Variants in KCNH5 observed in about 807,000 individuals in gnomAD.
The protein encoded by KCNH5 is potassium voltage-gated channel subfamily H member 5, also known as voltage-gated delayed rectifier potassium channel KCNH5.
A neutral mutation model predicts 96.1 loss-of-function variants in KCNH5; 46 were observed. The observed-to-expected ratio is 0.48, with a 90% CI of 0.38 to 0.61. The LOEUF is 0.61. Ranked by LOEUF, KCNH5 falls within the 20% of genes least tolerant of loss-of-function variation. The pLI is 0.00. For synonymous variants in KCNH5, 439 were observed against 449.8 expected (o/e 0.98, Z 0.30); for missense variants, 907 against 1,225.8 (o/e 0.74, Z 3.88).
chr14:62,936,674 CAAA>C (rs3080873), intron 7 of KCNH5, among the ~76,000 whole-genome samples: 4 of 119,752 alleles, frequency 3.3e-5, no homozygotes, highest in Non-Finnish European at 5.3e-5. Context: ...GACCCTGCCT[CAAA>C]AAAAAAAAAA....
At chr14:62,995,922 G>A (rs1289505687) in intron 4 of KCNH5, among the ~76,000 whole-genome samples, 1 of 152,006 alleles carries the variant, frequency 6.6e-6, no homozygotes, top group East Asian at 1.9e-4. Flanking sequence ...ATAGATAAAT[G>A]TAAGACAAGG....
intron 8 of KCNH5, among the ~76,000 whole-genome samples, chr14:62,822,661 G>C (rs367646147): frequency 1.5e-5 from 2 of 133,408 alleles, no homozygotes; most frequent in African/African-American, 6.2e-5. Flanking sequence ...AGTGTACTAC[G>C]TAAAATGAAA....
intron 7 of KCNH5, among the ~76,000 whole-genome samples, chr14:62,878,058 A>C (rs1419288539): frequency 6.6e-6 from 1 of 152,080 alleles, no homozygotes; most frequent in Non-Finnish European, 1.5e-5. Flanking sequence ...ACATGGATGA[A>C]ATTGGAAATC....
intron 1 of KCNH5, among the ~76,000 whole-genome samples, chr14:63,022,811 A>AT (rs779506855): frequency 1.4e-4 from 22 of 152,196 alleles, no homozygotes; most frequent in Non-Finnish European, 2.8e-4. Flanking sequence ...CTGACTGCTG[A>AT]TGAGGTTATA....
Position 62,799,128 on chromosome 14 carries a change from A to G in KCNH5, c.1822+3201T>C, listed in dbSNP as rs187104516. ...AAAGGCCACAGTTGACAACTAAGAC[A>G]TAACAATCATAAATAATCTGTACAC... On this transcript the variant is annotated intron_variant, in intron 9 of 10. Coordinates refer to ENST00000322893, the MANE Select transcript of KCNH5 (RefSeq NM_139318.5). Among the ~76,000 whole-genome samples, 39 of 152,308 alleles carry G rather than the reference A, an allele frequency of 2.6e-4. No individual in the cohort carries two copies. The East Asian group carries it at 7.3e-3, about 29-fold the overall frequency.
chr14:62,945,230 C>A (rs1889863732), intron 7 of KCNH5, among the ~76,000 whole-genome samples: 1 of 152,080 alleles, frequency 6.6e-6, no homozygotes. Context: ...CAGTGACTTG[C>A]TTCTTAGAAC....
intron 6 of KCNH5, among the ~76,000 whole-genome samples, chr14:62,951,879 C>T (rs768066426): frequency 1.1e-4 from 16 of 143,458 alleles, no homozygotes; most frequent in Non-Finnish European, 2.2e-4. Context: ...GGGGGAATTG[C>T]TTGAACCTGG....
chr14:62,859,127 C>G lies in KCNH5; in HGVS notation c.1370-9275G>C, dbSNP rs533599545. ...GCAAACCTATATCTGGAGTAAGTGT[C>G]TATTCCAGTGAGGACAAACCTCTGC... On this transcript the variant is annotated intron_variant, in intron 7 of 10. Coordinates refer to ENST00000322893, the MANE Select transcript of KCNH5 (RefSeq NM_139318.5). Among the ~76,000 whole-genome samples the G allele has an allele frequency of 1.3e-4, 20 of 152,288 alleles. No individual in the cohort carries two copies. In the South Asian group the frequency reaches 4.2e-3, roughly 32 times the overall value.
intron 6 of KCNH5, among the ~76,000 whole-genome samples, chr14:62,952,419 G>A (rs577785610): frequency 6.6e-6 from 1 of 152,234 alleles, no homozygotes; most frequent in South Asian, 2.1e-4. Flanking sequence ...AAACATTTAT[G>A]GAGCACTCCT....
At chr14:62,736,016 G>A (rs978468618) in intron 10 of KCNH5, among the ~76,000 whole-genome samples, 1 of 152,192 alleles carries the variant, frequency 6.6e-6, no homozygotes, top group Non-Finnish European at 1.5e-5. Flanking sequence ...GAGAGACTAT[G>A]GCCCTGCTGA....
At chr14:62,732,052 T>G (rs1566642357) in intron 10 of KCNH5, among the ~76,000 whole-genome samples, 1 of 152,214 alleles carries the variant, frequency 6.6e-6, no homozygotes, top group Non-Finnish European at 1.5e-5. Context: ...TAAAATTTTC[T>G]TGTTCTTGGC....
intron 7 of KCNH5, among the ~76,000 whole-genome samples, chr14:62,877,592 A>C (rs1308251158): frequency 6.6e-6 from 1 of 152,216 alleles, no homozygotes; most frequent in African/African-American, 2.4e-5. Flanking sequence ...ACACATGAAA[A>C]AATGCTCACA....
At chr14:62,908,685 T>C (rs1889077782) in intron 7 of KCNH5, among the ~76,000 whole-genome samples, 2 of 151,942 alleles carry the variant, frequency 1.3e-5, no homozygotes, top group African/African-American at 2.4e-5. Flanking sequence ...AGGCTTGTCC[T>C]GTGTGACTTC....
chr14:62,712,592 CTTTTATACTT>C (rs1884594239), intron 10 of KCNH5: 1 of 725,932 alleles, frequency 1.4e-6, no homozygotes, highest in Non-Finnish European at 2.6e-6. Flanking sequence ...CTCAAGGTAA[CTTTTATACTT>C]TCTCCTGGAC....
At chr14:62,720,953 T>C (rs1884801005) in intron 10 of KCNH5, among the ~76,000 whole-genome samples, 1 of 152,196 alleles carries the variant, frequency 6.6e-6, no homozygotes, top group Non-Finnish European at 1.5e-5. Flanking sequence ...GATAACTGAC[T>C]AAACACTCCC....
intron 6 of KCNH5, 121 bp from the exon 7 acceptor site, chr14:62,950,680 T>G (rs143161650): frequency 1.4e-6 from 1 of 702,272 alleles, no homozygotes; most frequent in African/African-American, 1.8e-5. Context: ...AGAACATATG[T>G]ATATTATAGG....
chr14:62,704,841 T>C lies in KCNH5; in HGVS notation c.*2667A>G, dbSNP rs1386054432. The C allele has an allele frequency of 6.6e-6, 1 of 151,988 alleles. No individual in the cohort carries two copies. Among genetic ancestry groups the C allele is most frequent in the African/African-American group, 2.4e-5 (1 of 41,438 alleles). The allele number at this position is 151,988 out of a possible 1,614,324, so 9.4% of individuals were successfully genotyped here. A position where few individuals can be genotyped will look rare whatever the true frequency, so the allele number is the denominator to read the frequency against. ...AGAACATGATTTTATCATTATTGCA[T>C]GTATTAAAGCAAATATTCTCCCTTC... On this transcript the variant is annotated 3_prime_UTR_variant, in exon 11 of 11. Transcript: ENST00000322893.
intron 3 of KCNH5, among the ~76,000 whole-genome samples, chr14:63,004,953 G>T (rs1347121461): frequency 6.6e-6 from 1 of 152,150 alleles, no homozygotes; most frequent in Non-Finnish European, 1.5e-5. Flanking sequence ...TAAATTATTT[G>T]CTAAACTTGG....
chr14:62,707,687 C>A lies in KCNH5; in HGVS notation c.2788G>T (p.Ala930Ser), dbSNP rs202201734. 4.4e-6 allele frequency: 7 copies of A among 1,595,686 alleles called. No individual in the cohort carries two copies. In the Admixed American group the frequency reaches 1.0e-4, roughly 23 times the overall value. The change falls in exon 11 of 11, where the codon GCC becomes TCC. Residue 930 changes from alanine (A) to serine (S), a missense_variant. By Grantham distance (99) the Ala-to-Ser change is moderately conservative. Transcript: ENST00000322893. Reference sequence around the variant, plus strand: ...ATTTCTGCCACCTGCTTTTCTAGGGCAGTCATTCTGCAGCTGAGCAGCTGG... The same window carrying A: ...ATTTCTGCCACCTGCTTTTCTAGGGAAGTCATTCTGCAGCTGAGCAGCTGG... The part of the protein sequence containing the change: ...DIQLLSCRMT[A>S]LEKQVAEILK...
Sources: allele counts gnomAD v4.1 joint callset (sites outside exome capture counted in the v4.1 genomes callset), GRCh38; gene constraint gnomAD v4.1.1; transcripts MANE v1.5; gene names NCBI Gene and HGNC (gene_info 2026-07-23, HGNC 2026-07-21).